Variants in CNTLN observed in about 807,000 individuals in gnomAD.
CNTLN encodes the protein centlein, also known as centlein, centrosomal protein.
A neutral mutation model predicts 180.0 loss-of-function variants in CNTLN; 212 were observed. That is an observed-to-expected ratio of 1.18 (90% CI 1.05 to 1.32). The LOEUF is 1.32. Among genes scored for constraint, CNTLN ranks in the 40% most tolerant of loss-of-function variants. CNTLN has a pLI of 0.00. For missense variants in CNTLN, 2,095 were observed against 1,610.9 expected (o/e 1.30, Z -5.14); for synonymous variants, 722 against 563.1 (o/e 1.28, Z -3.99).
At chr9:17,293,671 G>T (rs1261061007) in intron 6 of CNTLN, among the ~76,000 whole-genome samples, 1 of 152,230 alleles carries the variant, frequency 6.6e-6, no homozygotes, top group African/African-American at 2.4e-5. Flanking sequence ...AGTGATGGCT[G>T]CCACCCCTTG....
intron 18 of CNTLN, among the ~76,000 whole-genome samples, chr9:17,445,831 A>G (rs1341656319): frequency 2.0e-5 from 3 of 152,162 alleles, no homozygotes; most frequent in South Asian, 2.1e-4. Flanking sequence ...CGCCTCTTGC[A>G]GTTGAGACAA....
chr9:17,504,784 A>C (rs1833902899), downstream of CNTLN, among the ~76,000 whole-genome samples: 1 of 152,180 alleles, frequency 6.6e-6, no homozygotes, highest in African/African-American at 2.4e-5. Flanking sequence ...AGACCAGAAA[A>C]GGCAAGGAAA....
chr9:17,351,406 C>T lies in CNTLN; in HGVS notation c.1886+8962C>T, dbSNP rs570755517. On this transcript the variant is annotated intron_variant, in intron 12 of 25. Coordinates refer to ENST00000380647, the MANE Select transcript of CNTLN (RefSeq NM_017738.4). ...ATATCCAAATGTCTACACAACATCT[C>T]CTTTTGGAGGTCTCACTGAGATTCA... Among the ~76,000 whole-genome samples, 15 of 152,316 alleles carry T rather than the reference C, an allele frequency of 9.8e-5. No individual in the cohort carries two copies. In the South Asian group the frequency reaches 2.1e-3, roughly 21 times the overall value.
intron 8 of CNTLN, among the ~76,000 whole-genome samples, chr9:17,322,721 T>C (rs1033407119): frequency 1.3e-5 from 2 of 152,170 alleles, no homozygotes; most frequent in African/African-American, 4.8e-5. Context: ...GGGTGCAGCT[T>C]GTTTAGCTGC....
intron 10 of CNTLN, among the ~76,000 whole-genome samples, chr9:17,338,758 T>C (rs1821252026): frequency 6.6e-6 from 1 of 152,150 alleles, no homozygotes; most frequent in East Asian, 1.9e-4. Flanking sequence ...AATTATTCTC[T>C]ATGTCTTAGA....
chr9:17,171,629 T>C (rs1451051580), intron 2 of CNTLN, among the ~76,000 whole-genome samples: 1 of 152,080 alleles, frequency 6.6e-6, no homozygotes, highest in Non-Finnish European at 1.5e-5. Context: ...ACAGTGCCTA[T>C]GGAGTGGCCA....
At chr9:17,336,446 A>G (rs555514329) in intron 10 of CNTLN, among the ~76,000 whole-genome samples, 2 of 152,326 alleles carry the variant, frequency 1.3e-5, no homozygotes, top group African/African-American at 4.8e-5. Context: ...TAAAGGAACA[A>G]TAGTCTCTAG....
intron 2 of CNTLN, among the ~76,000 whole-genome samples, chr9:17,224,119 C>G (rs933167178): frequency 5.3e-5 from 8 of 152,026 alleles, no homozygotes; most frequent in Admixed American, 2.0e-4. Flanking sequence ...CCCAGCTTCT[C>G]TAGGACTGGG....
At chr9:17,496,267 G>C (rs1312978137) in intron 25 of CNTLN, among the ~76,000 whole-genome samples, 2 of 152,032 alleles carry the variant, frequency 1.3e-5, no homozygotes, top group Non-Finnish European at 2.9e-5. Flanking sequence ...AGTCATATCA[G>C]GCTGTTATCA....
At chr9:17,194,540 A>G (rs1266441175) in intron 2 of CNTLN, among the ~76,000 whole-genome samples, 1 of 152,156 alleles carries the variant, frequency 6.6e-6, no homozygotes, top group Non-Finnish European at 1.5e-5. Flanking sequence ...CCTCATCTCC[A>G]TCGGAGACCA....
In CNTLN at chr9:17,457,606, G is replaced by C; in HGVS notation, c.3197G>C (p.Ser1066Thr). 1 of 1,567,468 alleles carries C rather than the reference G, an allele frequency of 6.4e-7. No homozygotes were observed. Among genetic ancestry groups the C allele is most frequent in the Non-Finnish European group, 8.7e-7 (1 of 1,154,870 alleles). ...KKLESSSEIT[S>T]LAEENSQVTF... ...TTGGAGTCCTCATCTGAAATCACAAGTTTGGCAGAAGAAAATTCCCAGGTA... is the reference window on the plus strand; with the variant it reads ...TTGGAGTCCTCATCTGAAATCACAACTTTGGCAGAAGAAAATTCCCAGGTA... The change falls in exon 19 of 26, where the codon AGT (serine) becomes ACT (threonine). Residue 1066 changes from serine (S) to threonine (T), a missense_variant. Transcript: ENST00000380647.
At chr9:17,295,989 AGAGAGAGAGTGT>A (rs1239476575) in intron 6 of CNTLN, among the ~76,000 whole-genome samples, 75 of 83,468 alleles carry the variant, frequency 9.0e-4, no homozygotes, top group African/African-American at 3.7e-3. Flanking sequence ...AGAGAGAGAG[AGAGAGAGAGTGT>A]GTGTGTGTGT....
intron 2 of CNTLN, among the ~76,000 whole-genome samples, chr9:17,144,999 G>GC (rs1260456053): frequency 6.6e-6 from 1 of 150,500 alleles, no homozygotes; most frequent in African/African-American, 2.4e-5. Context: ...CCGCCACCGC[G>GC]CCCGGCTAAT....
At chr9:17,174,707 A>G (rs1318517899) in intron 2 of CNTLN, among the ~76,000 whole-genome samples, 1 of 152,028 alleles carries the variant, frequency 6.6e-6, no homozygotes, top group Non-Finnish European at 1.5e-5. Context: ...GGAAAAAAAA[A>G]AAAAAAAGAA....
chr9:17,473,120 A>G (rs931869896), intron 23 of CNTLN, among the ~76,000 whole-genome samples: 2 of 152,182 alleles, frequency 1.3e-5, no homozygotes, highest in African/African-American at 4.8e-5. Flanking sequence ...TGATTAAATA[A>G]AAACATAACC....
At chr9:17,413,296 A>T (rs1191096805) in intron 16 of CNTLN, among the ~76,000 whole-genome samples, 1 of 152,212 alleles carries the variant, frequency 6.6e-6, no homozygotes, top group Non-Finnish European at 1.5e-5. Flanking sequence ...GTAGAATATT[A>T]AATCATAAAA....
intron 5 of CNTLN, among the ~76,000 whole-genome samples, chr9:17,246,001 GA>G (rs905296689): frequency 6.6e-6 from 1 of 152,008 alleles, no homozygotes; most frequent in Non-Finnish European, 1.5e-5. Flanking sequence ...CTGTCTGAAA[GA>G]TCACATATCT....
chr9:17,290,789 C>G (rs776283285), intron 6 of CNTLN, among the ~76,000 whole-genome samples: 4 of 151,982 alleles, frequency 2.6e-5, no homozygotes, highest in Admixed American at 2.0e-4. Flanking sequence ...CGTCTGTCAC[C>G]CCTTTCTTTG....
chr9:17,500,670 T>A (rs1345894432), intron 25 of CNTLN, among the ~76,000 whole-genome samples: 1 of 152,200 alleles, frequency 6.6e-6, no homozygotes, highest in Non-Finnish European at 1.5e-5. Context: ...GTTTCCCAAA[T>A]GTATTTGATT....
Sources: gnomAD v4.1 joint callset for allele counts (sites outside exome capture counted in the v4.1 genomes callset) on GRCh38, gnomAD v4.1.1 for gene constraint, MANE v1.5 for transcripts, NCBI Gene and HGNC (gene_info 2026-07-23, HGNC 2026-07-21) for gene names.